Variants in RAB18 observed in about 807,000 individuals in gnomAD.
The protein encoded by RAB18 is RAB18, member RAS oncogene family, also known as ras-related protein Rab-18.
Under a neutral mutation model 28.5 loss-of-function variants are expected in RAB18, and 10 were observed. The ratio of observed to expected loss-of-function variants is 0.35; its 90% confidence interval spans 0.22 to 0.60. RAB18 has a LOEUF of 0.60. Among genes scored for constraint, RAB18 ranks in the 20% least tolerant of loss-of-function variants. The pLI, the probability that RAB18 is intolerant of heterozygous loss-of-function variation, is 0.78. For missense variants in RAB18, 188 were observed against 244.2 expected (o/e 0.77, Z 1.53); for synonymous variants, 93 against 86.9 (o/e 1.07, Z -0.39).
intron 2 of RAB18, among the ~76,000 whole-genome samples, chr10:27,521,137 A>G (rs2132387974): frequency 6.6e-6 from 1 of 151,878 alleles, no homozygotes; most frequent in African/African-American, 2.4e-5. Context: ...GGTTTATTCC[A>G]TTGTAATCAG....
chr10:27,528,491 G>A (rs574950064), intron 3 of RAB18, among the ~76,000 whole-genome samples: 59 of 152,162 alleles, frequency 3.9e-4, no homozygotes, highest in Admixed American at 7.9e-4. Context: ...ACCAGTATGT[G>A]AGTTTTCCAA....
At chr10:27,513,556 T>A (rs1834370531) in intron 2 of RAB18, among the ~76,000 whole-genome samples, 1 of 152,188 alleles carries the variant, frequency 6.6e-6, no homozygotes, top group Non-Finnish European at 1.5e-5. Context: ...AAAGTTAGCA[T>A]TCTTCTTTCT....
chr10:27,517,974 C>CT (rs1834471527), intron 2 of RAB18, among the ~76,000 whole-genome samples: 2 of 151,014 alleles, frequency 1.3e-5, no homozygotes, highest in Admixed American at 1.3e-4. Context: ...TTTAATTATA[C>CT]TTTAAGTTTT....
At chr10:27,521,882 TA>T (rs1162494853) in intron 2 of RAB18, among the ~76,000 whole-genome samples, 12 of 148,546 alleles carry the variant, frequency 8.1e-5, no homozygotes, top group Non-Finnish European at 1.2e-4. Flanking sequence ...TGGGAGGATT[TA>T]AAAAAAAAAC....
At chr10:27,504,910 G>A in intron 1 of RAB18, 1 of 510,050 alleles carries the variant, frequency 2.0e-6, no homozygotes, top group Non-Finnish European at 4.0e-6. Context: ...GAAGTTTCGT[G>A]ACGCCTTAGG....
intron 2 of RAB18, among the ~76,000 whole-genome samples, chr10:27,519,483 C>G (rs548581640): frequency 6.6e-6 from 1 of 151,986 alleles, no homozygotes; most frequent in East Asian, 1.9e-4. Flanking sequence ...TGTAAAAATC[C>G]ACAGGAATAC....
chr10:27,517,457 C>T (rs562331111), intron 2 of RAB18, among the ~76,000 whole-genome samples: 4 of 152,238 alleles, frequency 2.6e-5, no homozygotes, highest in African/African-American at 9.6e-5. Context: ...CAGATAAAGG[C>T]ATAGGGAATT....
intron 1 of RAB18, among the ~76,000 whole-genome samples, chr10:27,509,396 G>A (rs1319696514): frequency 6.6e-6 from 1 of 152,076 alleles, no homozygotes; most frequent in East Asian, 1.9e-4. Context: ...GCCGTACTGC[G>A]TGTTACAGAA....
At chr10:27,507,468 C>A (rs574738009) in intron 1 of RAB18, among the ~76,000 whole-genome samples, 59 of 151,316 alleles carry the variant, frequency 3.9e-4, no homozygotes, top group African/African-American at 1.4e-3. Context: ...TAAAGAGTAG[C>A]AGAATATATC....
Position 27,542,058 on chromosome 10 carries a change from A to C in RAB18, c.*4007A>C, listed in dbSNP as rs953809665. On this transcript the variant is annotated 3_prime_UTR_variant, in exon 7 of 7. Coordinates refer to ENST00000356940, the MANE Select transcript of RAB18 (RefSeq NM_021252.5). ...TGGAGATAGTGTGCTGGGAGGAGTC[A>C]CATTCTGAACTTGCTGCAGCTCGTT... 1 of 454,116 alleles carries C rather than the reference A, an allele frequency of 2.2e-6. No individual in the cohort carries two copies. The highest frequency in any genetic ancestry group is 2.3e-5 in the Admixed American group (1 of 42,578). The allele number at this position is 454,116 out of a possible 1,614,324, so 28.1% of individuals were successfully genotyped here.
chr10:27,535,701 G>A (rs190785388), intron 6 of RAB18, among the ~76,000 whole-genome samples: 2 of 152,164 alleles, frequency 1.3e-5, no homozygotes, highest in African/African-American at 2.4e-5. Context: ...CTGTGTAGCC[G>A]TAGAGGGTGG....
intron 4 of RAB18, 152 bp from the exon 5 acceptor site, chr10:27,533,583 G>C (rs997096424): frequency 1.2e-6 from 1 of 820,466 alleles, no homozygotes; most frequent in African/African-American, 1.7e-5. Context: ...TCTTCCATTT[G>C]GATCAGTAGA....
At chr10:27,514,743 A>C (rs1392543780) in intron 2 of RAB18, among the ~76,000 whole-genome samples, 2 of 152,104 alleles carry the variant, frequency 1.3e-5, no homozygotes, top group Non-Finnish European at 2.9e-5. Context: ...ACATTCATAC[A>C]CACAAAATTG....
chr10:27,538,858 A>G lies in RAB18; in HGVS notation c.*807A>G, dbSNP rs1424860600. 1 of 454,032 alleles carries G rather than the reference A, an allele frequency of 2.2e-6. No homozygotes were observed. Among genetic ancestry groups the G allele is most frequent in the East Asian group, 6.9e-5 (1 of 14,390 alleles). The allele number at this position is 454,032 out of a possible 1,614,324, so 28.1% of individuals were successfully genotyped here. ...CTCCTCATACACTTTTAAAACCAACATCTTTTTTCATAAATGTTGGTAGTG... is the reference window on the plus strand; with the variant it reads ...CTCCTCATACACTTTTAAAACCAACGTCTTTTTTCATAAATGTTGGTAGTG... On this transcript the variant is annotated 3_prime_UTR_variant, in exon 7 of 7. Transcript: ENST00000356940.
At chr10:27,518,312 G>C (rs1049638007) in intron 2 of RAB18, among the ~76,000 whole-genome samples, 1 of 152,146 alleles carries the variant, frequency 6.6e-6, no homozygotes, top group Non-Finnish European at 1.5e-5. Flanking sequence ...AAACAGTTTG[G>C]CCATATTTTT....
intron 1 of RAB18, among the ~76,000 whole-genome samples, chr10:27,507,777 C>G (rs1373647280): frequency 2.6e-5 from 4 of 151,796 alleles, no homozygotes; most frequent in African/African-American, 9.7e-5. Flanking sequence ...AGTGGCTCAT[C>G]CTGTAATCCT....
chr10:27,541,462 G>A lies in RAB18; in HGVS notation c.*3411G>A, dbSNP rs1004796640. The A allele has an allele frequency of 8.8e-6, 4 of 453,532 alleles. No homozygotes were observed. Among genetic ancestry groups the A allele is most frequent in the Admixed American group, 7.1e-5 (3 of 42,500 alleles). The allele number at this position is 453,532 out of a possible 1,614,324, so 28.1% of individuals were successfully genotyped here. A position where few individuals can be genotyped will look rare whatever the true frequency, so the allele number is the denominator to read the frequency against. On this transcript the variant is annotated 3_prime_UTR_variant, in exon 7 of 7. Transcript: ENST00000356940. Reference sequence around the variant, plus strand: ...TTGCTAGCTTATTGTTTCATACTTGGGAATCAGTCATGTTTCTGATTGTGG... The same window carrying A: ...TTGCTAGCTTATTGTTTCATACTTGAGAATCAGTCATGTTTCTGATTGTGG...
chr10:27,529,911 G>C (rs1340233339), intron 3 of RAB18, among the ~76,000 whole-genome samples: 2 of 151,770 alleles, frequency 1.3e-5, no homozygotes, highest in Non-Finnish European at 2.9e-5. Flanking sequence ...CTAAACATCT[G>C]GCCTAATTAT....
At chr10:27,511,199 A>G (rs1834315731) in intron 2 of RAB18, among the ~76,000 whole-genome samples, 1 of 152,086 alleles carries the variant, frequency 6.6e-6, no homozygotes, top group South Asian at 2.1e-4. Context: ...TATTTCATTT[A>G]ATTAATGAAT....
Sources: allele counts gnomAD v4.1 joint callset (sites outside exome capture counted in the v4.1 genomes callset), GRCh38; gene constraint gnomAD v4.1.1; transcripts MANE v1.5; gene names NCBI Gene and HGNC (gene_info 2026-07-23, HGNC 2026-07-21).